STXBP5L: variants seen among roughly 807,000 people sequenced by gnomAD.
The protein encoded by STXBP5L is syntaxin-binding protein 5-like.
Under a neutral mutation model 144.5 loss-of-function variants are expected in STXBP5L, and 65 were observed. The ratio of observed to expected loss-of-function variants is 0.45; its 90% CI spans 0.37 to 0.55. The LOEUF (loss-of-function observed/expected upper bound fraction) is 0.55, where lower values mean the gene tolerates loss of function less well. Among genes scored for constraint, STXBP5L ranks in the 20% least tolerant of loss-of-function variants. STXBP5L has a pLI of 0.00. For synonymous variants in STXBP5L, 505 were observed against 469.6 expected (o/e 1.08, Z -0.97); for missense variants, 1,298 against 1,405.5 (o/e 0.92, Z 1.22).
chr3:121,356,434 G>A (rs773814260), intron 20 of STXBP5L, among the ~76,000 whole-genome samples: 2 of 152,236 alleles, frequency 1.3e-5, no homozygotes, highest in African/African-American at 4.8e-5. Context: ...CCACCTCACA[G>A]CTCAATCTCA....
chr3:121,231,032 A>G (rs2049291113), intron 11 of STXBP5L, among the ~76,000 whole-genome samples: 2 of 152,148 alleles, frequency 1.3e-5, no homozygotes, highest in Admixed American at 1.3e-4. Context: ...TTTAATCACT[A>G]TCAGAAACTG....
chr3:121,021,506 A>G (rs752392862), intron 3 of STXBP5L, among the ~76,000 whole-genome samples: 3 of 152,222 alleles, frequency 2.0e-5, no homozygotes, highest in Non-Finnish European at 4.4e-5. Flanking sequence ...AAGAAAGACC[A>G]TATCATAGGC....
intron 2 of STXBP5L, among the ~76,000 whole-genome samples, chr3:120,911,283 A>C (rs1046762798): frequency 6.6e-6 from 1 of 152,144 alleles, no homozygotes; most frequent in Non-Finnish European, 1.5e-5. Context: ...TGGAATACAT[A>C]GTTATCTTCC....
intron 3 of STXBP5L, among the ~76,000 whole-genome samples, chr3:120,987,659 A>G (rs1184812930): frequency 6.6e-6 from 1 of 151,916 alleles, no homozygotes. Flanking sequence ...TTCACCTCTT[A>G]GAATTCTTTG....
intron 5 of STXBP5L, among the ~76,000 whole-genome samples, chr3:121,105,644 G>A (rs976024429): frequency 1.3e-5 from 2 of 152,034 alleles, no homozygotes; most frequent in African/African-American, 4.8e-5. Context: ...TAAACAGTAT[G>A]GAGATTCCTT....
intron 2 of STXBP5L, among the ~76,000 whole-genome samples, chr3:120,952,889 C>A (rs1711360935): frequency 6.6e-6 from 1 of 152,076 alleles, no homozygotes; most frequent in Non-Finnish European, 1.5e-5. Context: ...GCCTCAACCT[C>A]CCAGGCTCAA....
At chr3:121,296,049 T>G (rs887533057) in intron 19 of STXBP5L, among the ~76,000 whole-genome samples, 3 of 152,166 alleles carry the variant, frequency 2.0e-5, no homozygotes, top group African/African-American at 7.2e-5. Context: ...AGCCAGGAAA[T>G]CATATTTCTG....
intron 4 of STXBP5L, 29 bp from the exon 5 acceptor site, chr3:121,045,406 A>G (rs2107565226): frequency 1.3e-6 from 2 of 1,571,538 alleles, no homozygotes; most frequent in Non-Finnish European, 1.7e-6. Flanking sequence ...AGTAAATCAC[A>G]CACTTACTTT....
At chr3:120,954,487 G>T (rs1937804665) in intron 2 of STXBP5L, among the ~76,000 whole-genome samples, 1 of 151,914 alleles carries the variant, frequency 6.6e-6, no homozygotes, top group Admixed American at 6.6e-5. Context: ...TCAGTAGTTT[G>T]TGTCTTTTAA....
chr3:121,278,243 G>A (rs186363306), intron 18 of STXBP5L, among the ~76,000 whole-genome samples: 1 of 151,754 alleles, frequency 6.6e-6, no homozygotes, highest in Admixed American at 6.6e-5. Context: ...ATTCTATGTT[G>A]CCTGTTGACC....
intron 7 of STXBP5L, among the ~76,000 whole-genome samples, chr3:121,128,534 T>G (rs2044822440): frequency 6.6e-6 from 1 of 152,090 alleles, no homozygotes; most frequent in South Asian, 2.1e-4. Context: ...TTTAAGGCCC[T>G]TGTTGACAGT....
At position 121,334,439 on chromosome 3, in the gene STXBP5L, CAA is replaced by C. The variant is rs1559986376; in HGVS notation, c.2176+15900_2176+15901del. 3.4e-4 allele frequency among the ~76,000 whole-genome samples: 48 copies of C among 142,676 alleles called. No homozygotes were observed. In the South Asian group the frequency reaches 0.01, roughly 31 times the overall value. The allele number at this position is 142,676 out of a possible 152,430, so 93.6% of individuals were successfully genotyped here. A position where few individuals can be genotyped will look rare whatever the true frequency, so the allele number is the denominator to read the frequency against. On this transcript the variant is annotated intron_variant, in intron 20 of 26. Transcript: ENST00000471454. ...ATATCAAAACCTGGCAGGGACACAACAACAAAAAAAGAAAACTTTGGGACAAT... is the reference window on the plus strand; with the variant it reads ...ATATCAAAACCTGGCAGGGACACAACCAAAAAAAGAAAACTTTGGGACAAT...
At chr3:121,202,975 C>T (rs115432226) in intron 9 of STXBP5L, among the ~76,000 whole-genome samples, 5,403 of 151,612 alleles carry the variant, frequency 0.036, 147 homozygotes, top group Middle Eastern at 0.082. Context: ...GTATTCCTTT[C>T]TTTCCTTTTC....
At chr3:121,403,501 A>T (rs560883358) in intron 22 of STXBP5L, among the ~76,000 whole-genome samples, 1 of 152,152 alleles carries the variant, frequency 6.6e-6, no homozygotes, top group Non-Finnish European at 1.5e-5. Flanking sequence ...TTTCTACTGA[A>T]TCATTATATA....
chr3:121,208,746 TA>T (rs1301550680), intron 10 of STXBP5L, among the ~76,000 whole-genome samples: 1 of 152,126 alleles, frequency 6.6e-6, no homozygotes, highest in Non-Finnish European at 1.5e-5. Flanking sequence ...CTTGTGGTAT[TA>T]TTTTATGGGT....
chr3:121,079,734 T>C (rs936743980), intron 5 of STXBP5L, among the ~76,000 whole-genome samples: 2 of 152,212 alleles, frequency 1.3e-5, no homozygotes, highest in African/African-American at 4.8e-5. Flanking sequence ...GAGGCTTATT[T>C]TGTGGCCTGT....
chr3:121,087,290 C>T (rs1576904776), intron 5 of STXBP5L, among the ~76,000 whole-genome samples: 1 of 152,124 alleles, frequency 6.6e-6, no homozygotes, highest in African/African-American at 2.4e-5. Flanking sequence ...TTGAAGTCTC[C>T]TACAAGAATC....
At chr3:121,010,684 C>G (rs1944706839) in intron 3 of STXBP5L, among the ~76,000 whole-genome samples, 1 of 151,812 alleles carries the variant, frequency 6.6e-6, no homozygotes, top group African/African-American at 2.4e-5. Flanking sequence ...CATAAACAGT[C>G]AATTAATACC....
intron 3 of STXBP5L, among the ~76,000 whole-genome samples, chr3:121,030,163 C>A (rs1212424017): frequency 1.3e-5 from 2 of 152,160 alleles, no homozygotes; most frequent in Non-Finnish European, 2.9e-5. Context: ...TATGACTCAG[C>A]AATCCCATTA....
Sources: gnomAD v4.1 joint callset for allele counts (sites outside exome capture counted in the v4.1 genomes callset) on GRCh38, gnomAD v4.1.1 for gene constraint, MANE v1.5 for transcripts, NCBI Gene and HGNC (gene_info 2026-07-23, HGNC 2026-07-21) for gene names.